The following BCAT1 variants were observed in gnomAD, a reference collection of about 807,000 sequenced individuals.
BCAT1 encodes the protein branched-chain-amino-acid aminotransferase, cytosolic.
Under a neutral mutation model 52.4 loss-of-function variants are expected in BCAT1, and 48 were observed. That is an observed-to-expected ratio of 0.92 (90% CI 0.73 to 1.16). BCAT1 has a LOEUF of 1.16. Among genes scored for constraint, BCAT1 ranks in the 50% most tolerant of loss-of-function variants. The pLI, the probability that BCAT1 is intolerant of heterozygous loss-of-function variation, is 0.00. For synonymous variants in BCAT1, 167 were observed against 161.3 expected (o/e 1.04, Z -0.27); for missense variants, 451 against 457.1 (o/e 0.99, Z 0.12).
At chr12:24,913,608 C>A (rs537020484) in intron 1 of BCAT1, among the ~76,000 whole-genome samples, 1 of 152,302 alleles carries the variant, frequency 6.6e-6, no homozygotes, top group East Asian at 1.9e-4. Flanking sequence ...CCCCAACAGA[C>A]AATGCCCAGG....
chr12:24,855,430 G>T (rs537186243), intron 5 of BCAT1, among the ~76,000 whole-genome samples: 14 of 152,134 alleles, frequency 9.2e-5, no homozygotes, highest in South Asian at 8.3e-4. Flanking sequence ...GCCCAGGGTG[G>T]AGTGCAGTGG....
At chr12:24,875,006 C>CA (rs11370314) in intron 5 of BCAT1, among the ~76,000 whole-genome samples, 114,216 of 137,960 alleles carry the variant, frequency 0.83, 47,177 homozygotes, top group East Asian at 0.96. Flanking sequence ...AAGACAGGAC[C>CA]AAAAAAAAAA....
chr12:24,856,917 G>A (rs1055345702), intron 5 of BCAT1, among the ~76,000 whole-genome samples: 9 of 152,170 alleles, frequency 5.9e-5, no homozygotes, highest in African/African-American at 1.4e-4. Flanking sequence ...TTGTAACCAC[G>A]TGGGGGTACT....
intron 1 of BCAT1, among the ~76,000 whole-genome samples, chr12:24,930,033 G>A (rs1943655193): frequency 6.6e-6 from 1 of 152,232 alleles, no homozygotes; most frequent in Non-Finnish European, 1.5e-5. Flanking sequence ...ATGAATTAGA[G>A]GAAATGGTTA....
intron 3 of BCAT1, among the ~76,000 whole-genome samples, chr12:24,891,344 A>C (rs1008064762): frequency 2.0e-5 from 3 of 152,262 alleles, no homozygotes; most frequent in Admixed American, 2.0e-4. Flanking sequence ...AAGCATTAGC[A>C]TGCTAAGAGA....
At chr12:24,891,406 CCAGCCA>C (rs1016590284) in intron 3 of BCAT1, among the ~76,000 whole-genome samples, 6 of 152,152 alleles carry the variant, frequency 3.9e-5, no homozygotes, top group African/African-American at 1.2e-4. Context: ...GACTCTAACC[CCAGCCA>C]CTGACAGCAA....
chr12:24,859,903 T>C (rs974099856), intron 5 of BCAT1, among the ~76,000 whole-genome samples: 8 of 152,172 alleles, frequency 5.3e-5, no homozygotes, highest in African/African-American at 1.2e-4. Flanking sequence ...GAAATGGTGT[T>C]TAGCTTTCTT....
intron 7 of BCAT1, among the ~76,000 whole-genome samples, chr12:24,840,844 A>G (rs1222718363): frequency 1.3e-5 from 2 of 152,258 alleles, no homozygotes; most frequent in Non-Finnish European, 2.9e-5. Flanking sequence ...CTGAGACTTC[A>G]TAAGTATTTG....
intron 3 of BCAT1, among the ~76,000 whole-genome samples, chr12:24,887,558 G>A (rs1942717875): frequency 6.6e-6 from 1 of 152,172 alleles, no homozygotes; most frequent in Admixed American, 6.5e-5. Context: ...TAAGAATAAT[G>A]GTTACCAGTA....
chr12:24,915,945 G>C (rs1033476833), intron 1 of BCAT1, among the ~76,000 whole-genome samples: 2 of 152,148 alleles, frequency 1.3e-5, no homozygotes, highest in Non-Finnish European at 2.9e-5. Flanking sequence ...ATCACCTGAG[G>C]TCAGGAGTTC....
At position 24,949,018 on chromosome 12, in the gene BCAT1, CGG is replaced by C; in HGVS notation, c.-88_-87del. ...CCCCTGGCCGTGTGGACCGGGTCTG[CGG>C]CTGCAGAGCGCGGTCCCGGCTGCAG... On this transcript the variant is annotated 5_prime_UTR_variant, in exon 1 of 11. Transcript: ENST00000261192. The C allele has an allele frequency of 4.8e-6, 7 of 1,450,426 alleles. No individual in the cohort carries two copies. Among genetic ancestry groups the C allele is most frequent in the Non-Finnish European group, 5.7e-6 (6 of 1,058,616 alleles). The allele number at this position is 1,450,426 out of a possible 1,614,324, so 89.8% of individuals were successfully genotyped here.
intron 3 of BCAT1, among the ~76,000 whole-genome samples, chr12:24,889,799 A>T (rs1482518735): frequency 6.6e-6 from 1 of 152,202 alleles, no homozygotes; most frequent in Non-Finnish European, 1.5e-5. Context: ...ATACCACCCT[A>T]GGCTACATAG....
At chr12:24,881,069 A>G (rs563133379) in intron 4 of BCAT1, among the ~76,000 whole-genome samples, 1 of 152,256 alleles carries the variant, frequency 6.6e-6, no homozygotes, top group African/African-American at 2.4e-5. Flanking sequence ...TCCTGGTTTC[A>G]AGTGATCCAC....
At chr12:24,913,670 G>A (rs1015892292) in intron 1 of BCAT1, among the ~76,000 whole-genome samples, 3 of 152,238 alleles carry the variant, frequency 2.0e-5, no homozygotes, top group East Asian at 1.9e-4. Context: ...GGAGAGCCAC[G>A]TAGAAATATG....
At chr12:24,819,882 G>A (rs1182560812) in intron 10 of BCAT1, among the ~76,000 whole-genome samples, 1 of 152,202 alleles carries the variant, frequency 6.6e-6, no homozygotes, top group Non-Finnish European at 1.5e-5. Context: ...GTTGCTTCAT[G>A]ATGAATGCTG....
chr12:24,836,826 GA>G (rs1404496227), intron 7 of BCAT1, among the ~76,000 whole-genome samples: 24 of 128,740 alleles, frequency 1.9e-4, no homozygotes, highest in Admixed American at 3.2e-4. Flanking sequence ...AGGAAAGAAG[GA>G]AGGAAGGAAG....
intron 2 of BCAT1, among the ~76,000 whole-genome samples, chr12:24,895,956 G>A (rs1217107353): frequency 6.6e-6 from 1 of 152,152 alleles, no homozygotes; most frequent in East Asian, 1.9e-4. Context: ...ATGCTACTTT[G>A]TAATATGCCA....
At chr12:24,891,835 G>A (rs1275128300) in intron 3 of BCAT1, among the ~76,000 whole-genome samples, 3 of 150,814 alleles carry the variant, frequency 2.0e-5, no homozygotes, top group Admixed American at 6.6e-5. Flanking sequence ...TGCAAACTCC[G>A]CCTCCTGGGT....
At chr12:24,834,905 C>T (rs1940852359) in intron 8 of BCAT1, 5 of 529,790 alleles carry the variant, frequency 9.4e-6, no homozygotes, top group Non-Finnish European at 9.8e-6. Context: ...CCCTATCTGG[C>T]AAATAGTGGT....
Sources: gnomAD v4.1 joint callset for allele counts (sites outside exome capture counted in the v4.1 genomes callset) on GRCh38, gnomAD v4.1.1 for gene constraint, MANE v1.5 for transcripts, NCBI Gene and HGNC (gene_info 2026-07-23, HGNC 2026-07-21) for gene names.